PTPRN2: variants seen among roughly 807,000 people sequenced by gnomAD.
The protein encoded by PTPRN2 is receptor-type tyrosine-protein phosphatase N2.
In PTPRN2, 74 loss-of-function variants were observed where a neutral mutation model predicts 118.8. The observed-to-expected ratio is 0.62, with a 90% CI of 0.52 to 0.76. The LOEUF (loss-of-function observed/expected upper bound fraction) is 0.76. PTPRN2 is among the 30% of genes least tolerant of loss of function. The pLI, the probability that PTPRN2 is intolerant of heterozygous loss-of-function variation, is 0.00. For synonymous variants in PTPRN2, 641 were observed against 608.0 expected (o/e 1.05, Z -0.80); for missense variants, 1,481 against 1,394.4 (o/e 1.06, Z -0.99).
In PTPRN2 at chr7:157,801,211, G is replaced by T. The variant is rs920215980; in HGVS notation, c.1788+97462C>A. ...CATCTGATTCCGCTACACGGTGCAA[G>T]TTACGCCAGACCAGAAACTGAACCG... On this transcript the variant is annotated intron_variant, in intron 12 of 22. Coordinates refer to ENST00000389418, the MANE Select transcript of PTPRN2 (RefSeq NM_002847.5). This position sits in a 1 kb window ranked among gnomAD's most constrained non-coding sequence, Gnocchi z 4.2. Among the ~76,000 whole-genome samples the T allele has an allele frequency of 9.9e-5, 15 of 152,048 alleles. No homozygotes were observed. Among genetic ancestry groups the T allele is most frequent in the African/African-American group, 3.4e-4 (14 of 41,396 alleles).
At chr7:158,236,130 A>G (rs1258290548) in intron 3 of PTPRN2, among the ~76,000 whole-genome samples, 1 of 152,220 alleles carries the variant, frequency 6.6e-6, no homozygotes, top group African/African-American at 2.4e-5. Context: ...CCCAGGCACC[A>G]TCACCATCGT....
At chr7:157,884,780 AT>A (rs1446419633) in intron 12 of PTPRN2, among the ~76,000 whole-genome samples, 2 of 152,166 alleles carry the variant, frequency 1.3e-5, no homozygotes, top group African/African-American at 4.8e-5. Context: ...AGCCCCCATG[AT>A]TCAATGACCT....
chr7:158,020,890 C>T (rs73169780), intron 11 of PTPRN2, among the ~76,000 whole-genome samples: 7,394 of 152,172 alleles, frequency 0.049, 243 homozygotes, highest in Admixed American at 0.088. Flanking sequence ...GTGTGGATGC[C>T]GTCCTCACTC....
intron 12 of PTPRN2, among the ~76,000 whole-genome samples, chr7:157,765,849 C>T: frequency 8.3e-6 from 1 of 120,554 alleles, no homozygotes; most frequent in African/African-American, 4.2e-5. Context: ...ATCCACTCAT[C>T]CACTCATCCA....
In PTPRN2 at chr7:158,434,798, T is replaced by A. The variant is rs180855275; in HGVS notation, c.163+54937A>T. 7.2e-3 allele frequency among the ~76,000 whole-genome samples: 1,094 copies of A among 152,314 alleles called. 5 individuals are homozygous for A. The highest frequency in any genetic ancestry group is 0.013 in the Non-Finnish European group (861 of 68,020). The stretch of plus-strand genomic sequence containing the variant: ...TTCCCTTTCTTAGCTTGTTAGCTAT[T>A]CTTTTTGTGGCTATTCTAGAAATAA... On this transcript the variant is annotated intron_variant, in intron 2 of 22. Transcript: ENST00000389418.
intron 12 of PTPRN2, among the ~76,000 whole-genome samples, chr7:157,748,468 CTG>C (rs1563067800): frequency 2.4e-4 from 36 of 148,652 alleles, no homozygotes; most frequent in East Asian, 6.1e-4. Context: ...CTGGGTGATT[CTG>C]AGGCCTGCGT....
chr7:157,777,546 T>C (rs1585439684), intron 12 of PTPRN2, among the ~76,000 whole-genome samples: 1 of 152,310 alleles, frequency 6.6e-6, no homozygotes, highest in Admixed American at 6.5e-5. Context: ...GCAGCAAGGC[T>C]CTGGCAGATC....
At chr7:158,283,611 G>A (rs758679574) in intron 3 of PTPRN2, among the ~76,000 whole-genome samples, 5 of 152,250 alleles carry the variant, frequency 3.3e-5, no homozygotes, top group African/African-American at 1.2e-4. Flanking sequence ...GCATGTCCAC[G>A]GCACCCTGAT....
At chr7:158,508,314 G>A (rs555107493) in intron 1 of PTPRN2, among the ~76,000 whole-genome samples, 5 of 152,312 alleles carry the variant, frequency 3.3e-5, no homozygotes, top group South Asian at 4.1e-4. Context: ...ACCAGTCAGC[G>A]GGGGCTTCCA....
At chr7:158,332,226 G>T (rs552061677) in intron 2 of PTPRN2, among the ~76,000 whole-genome samples, 33 of 65,888 alleles carry the variant, frequency 5.0e-4, no homozygotes, top group African/African-American at 2.2e-3. Flanking sequence ...TCCACACTCT[G>T]TCCATAAGAG....
At chr7:158,357,026 G>C (rs1374865466) in intron 2 of PTPRN2, among the ~76,000 whole-genome samples, 1 of 152,176 alleles carries the variant, frequency 6.6e-6, no homozygotes, top group Non-Finnish European at 1.5e-5. Context: ...TGCAGAGTTA[G>C]TTTTTCTGCA....
At chr7:158,458,053 T>A (rs140909746) in intron 2 of PTPRN2, among the ~76,000 whole-genome samples, 1 of 152,140 alleles carries the variant, frequency 6.6e-6, no homozygotes, top group African/African-American at 2.4e-5. Flanking sequence ...GTTAATTTGG[T>A]GTCTCCTGGG....
chr7:157,727,064 C>CAGCT (rs1171598288), intron 12 of PTPRN2, among the ~76,000 whole-genome samples: 2 of 152,190 alleles, frequency 1.3e-5, no homozygotes, highest in African/African-American at 4.8e-5. Flanking sequence ...CTAGGGAGAA[C>CAGCT]AGGGTGGCGG....
At chr7:157,973,997 C>T (rs1364954017) in intron 11 of PTPRN2, among the ~76,000 whole-genome samples, 1 of 152,124 alleles carries the variant, frequency 6.6e-6, no homozygotes, top group South Asian at 2.1e-4. Context: ...AGAGTGAATG[C>T]CAAATGATAC....
chr7:157,825,167 C>G (rs1807090999), intron 12 of PTPRN2, among the ~76,000 whole-genome samples: 1 of 152,198 alleles, frequency 6.6e-6, no homozygotes, highest in Non-Finnish European at 1.5e-5. Context: ...GGACATGCGA[C>G]TCGGTTCTGG....
chr7:157,676,394 C>T lies in PTPRN2; in HGVS notation c.2001+6331G>A, dbSNP rs371390700. On this transcript the variant is annotated intron_variant, in intron 13 of 22. Coordinates refer to ENST00000389418, the MANE Select transcript of PTPRN2 (RefSeq NM_002847.5). This position sits in a 1 kb window ranked among gnomAD's most constrained non-coding sequence, Gnocchi z 5.6. ...TTTGATTTCAGTTTCACACGAATCA[C>T]CTCCTAGTGATGCGTGGACTAATGC... 5.3e-5 allele frequency among the ~76,000 whole-genome samples: 8 copies of T among 152,344 alleles called. No individual in the cohort carries two copies. The East Asian group carries it at 1.2e-3, about 22-fold the overall frequency.
At chr7:157,947,113 G>C (rs965728096) in intron 11 of PTPRN2, among the ~76,000 whole-genome samples, 2 of 152,168 alleles carry the variant, frequency 1.3e-5, no homozygotes, top group African/African-American at 4.8e-5. Context: ...GAGCTGAAGG[G>C]AGGCACAGGG....
chr7:158,441,068 AGTGATGGTG>A (rs1563295719), intron 2 of PTPRN2, among the ~76,000 whole-genome samples: 1 of 85,810 alleles, frequency 1.2e-5, no homozygotes, highest in Non-Finnish European at 2.4e-5. Context: ...TGGGGGTGGT[AGTGATGGTG>A]GTGCTGGTGG....
intron 3 of PTPRN2, among the ~76,000 whole-genome samples, chr7:158,272,261 C>G (rs912234980): frequency 2.6e-5 from 4 of 152,202 alleles, no homozygotes; most frequent in African/African-American, 9.6e-5. Context: ...AGCCGCGTCT[C>G]CGGGGCCCGG....
Sources: allele counts gnomAD v4.1 joint callset (sites outside exome capture counted in the v4.1 genomes callset), GRCh38; gene constraint gnomAD v4.1.1; non-coding constraint Gnocchi (gnomAD v3.1); transcripts MANE v1.5; gene names NCBI Gene and HGNC (gene_info 2026-07-23, HGNC 2026-07-21).